The following HOXD3 variants were observed in gnomAD, a reference collection of about 807,000 sequenced individuals.
The protein encoded by HOXD3 is homeobox D3, also known as homeobox protein Hox-D3.
HOXD3 carries 13 observed loss-of-function variants against 32.8 expected under a neutral mutation model. That is an observed-to-expected ratio of 0.40 (90% confidence interval 0.26 to 0.63). The LOEUF (loss-of-function observed/expected upper bound fraction) is 0.63, where lower values mean the gene tolerates loss of function less well. Ranked by LOEUF, HOXD3 falls within the 20% of genes least tolerant of loss-of-function variation. HOXD3 has a pLI of 0.44. For missense variants in HOXD3, 504 were observed against 577.1 expected (o/e 0.87, Z 1.30); for synonymous variants, 241 against 246.8 (o/e 0.98, Z 0.22).
intron 3 of HOXD3, 101 bp from the exon 4 acceptor site, chr2:176,171,416 G>C: frequency 2.8e-6 from 3 of 1,086,924 alleles, no homozygotes; most frequent in Non-Finnish European, 3.9e-6. Flanking sequence ...TTGGAGGTGG[G>C]GGGAGGGAGG....
upstream of HOXD3, among the ~76,000 whole-genome samples, chr2:176,154,318 G>T (rs1690602427): frequency 6.6e-6 from 1 of 152,044 alleles, no homozygotes; most frequent in South Asian, 2.1e-4. Flanking sequence ...CTCCTGGGAA[G>T]GGTTCAAAGT....
chr2:176,167,150 C>A (rs1388783442), intron 2 of HOXD3, among the ~76,000 whole-genome samples: 2 of 152,110 alleles, frequency 1.3e-5, no homozygotes, highest in African/African-American at 2.4e-5. Flanking sequence ...GAAGGGAAAC[C>A]CCCATAAAGA....
chr2:176,152,843 G>T (rs1238996035), upstream of HOXD3: 1 of 1,614,170 alleles, frequency 6.2e-7, no homozygotes, highest in Non-Finnish European at 8.5e-7. The surrounding 1 kb of genome is among the most constrained non-coding windows in gnomAD (Gnocchi z 5.2). Context: ...GCAGGTCATC[G>T]TCCTCATCTT....
At chr2:176,156,571 CCGGGCCTCCACT>C (rs1005745338), upstream of HOXD3, among the ~76,000 whole-genome samples, 4 of 152,118 alleles carry the variant, frequency 2.6e-5, no homozygotes, top group African/African-American at 9.7e-5. Context: ...GACCTGACCC[CCGGGCCTCCACT>C]CTTGGGCTTC....
At chr2:176,153,123 G>C, upstream of HOXD3, 1 of 355,884 alleles carries the variant, frequency 2.8e-6, no homozygotes, top group Non-Finnish European at 5.5e-6. Context: ...CCTAGAGCGG[G>C]ATGGGGATGG....
At chr2:176,170,128 C>G (rs1386413080) in intron 3 of HOXD3, among the ~76,000 whole-genome samples, 1 of 152,100 alleles carries the variant, frequency 6.6e-6, no homozygotes. Flanking sequence ...TTTCAAAGAA[C>G]CTTTTGAGGT....
chr2:176,159,967 G>C (rs987088123), intron 1 of HOXD3, among the ~76,000 whole-genome samples: 3 of 152,234 alleles, frequency 2.0e-5, no homozygotes, highest in Non-Finnish European at 4.4e-5. Context: ...AGAGAGGGGA[G>C]GTCGCTCTGG....
At chr2:176,164,506 A>C (rs917533046) in intron 2 of HOXD3, 5 of 152,242 alleles carry the variant, frequency 3.3e-5, no homozygotes, top group Non-Finnish European at 5.9e-5. Flanking sequence ...AACGTAAAGA[A>C]GTCTCCTTTC....
chr2:176,153,843 C>A (rs534697380), upstream of HOXD3, among the ~76,000 whole-genome samples: 15 of 152,262 alleles, frequency 9.9e-5, no homozygotes, highest in South Asian at 2.7e-3. Flanking sequence ...GGGAAAAAAA[C>A]CAACAAATGG....
At chr2:176,152,548 C>T (rs1388723534), upstream of HOXD3, 4 of 1,406,618 alleles carry the variant, frequency 2.8e-6, no homozygotes, top group East Asian at 2.3e-5. The surrounding 1 kb of genome is among the most constrained non-coding windows in gnomAD (Gnocchi z 5.2). Flanking sequence ...GCGGCGGAGG[C>T]GAGGGGCCTA....
At chr2:176,156,228 G>A (rs539170634), upstream of HOXD3, among the ~76,000 whole-genome samples, 4 of 152,296 alleles carry the variant, frequency 2.6e-5, 1 homozygote, top group African/African-American at 7.2e-5. Flanking sequence ...ACCATGTAAG[G>A]CTTAGCAATT....
upstream of HOXD3, among the ~76,000 whole-genome samples, chr2:176,156,151 C>T (rs1162768941): frequency 6.6e-6 from 1 of 152,150 alleles, no homozygotes; most frequent in Non-Finnish European, 1.5e-5. Context: ...TTAACATAAA[C>T]AAGTTATTAT....
chr2:176,154,549 C>T (rs892624574), upstream of HOXD3, among the ~76,000 whole-genome samples: 4 of 152,126 alleles, frequency 2.6e-5, no homozygotes, highest in African/African-American at 9.7e-5. Flanking sequence ...ACTTCAAAAA[C>T]ACTTTAGAAG....
intron 2 of HOXD3, chr2:176,165,386 T>G (rs1213504145): frequency 1.3e-5 from 2 of 152,270 alleles, no homozygotes; most frequent in East Asian, 1.9e-4. Context: ...AGTATCAGGG[T>G]TCGGCTGCTT....
At chr2:176,162,027 G>C (rs1415466422) in intron 1 of HOXD3, among the ~76,000 whole-genome samples, 1 of 152,206 alleles carries the variant, frequency 6.6e-6, no homozygotes, top group Non-Finnish European at 1.5e-5. Flanking sequence ...GACCCAACCG[G>C]ACCTTTATGG....
intron 2 of HOXD3, chr2:176,165,309 GA>G (rs1690930131): frequency 6.6e-6 from 1 of 152,262 alleles, no homozygotes; most frequent in Admixed American, 6.5e-5. Flanking sequence ...TGGTCGCTGT[GA>G]GCGCCTTTTA....
chr2:176,166,860 T>C (rs568018082), intron 2 of HOXD3, among the ~76,000 whole-genome samples: 39 of 152,296 alleles, frequency 2.6e-4, no homozygotes, highest in Admixed American at 2.1e-3. Flanking sequence ...GGTTAGGCTG[T>C]TTGGTGCAGG....
rs1691231519 is a variant in HOXD3 at position 176,172,493 on chromosome 2, C to A, written c.*219C>A. 1.8e-6 allele frequency: 1 copy of A among 570,642 alleles called. No individual in the cohort carries two copies. The highest frequency in any genetic ancestry group is 3.1e-6 in the Non-Finnish European group (1 of 324,230). The allele number at this position is 570,642 out of a possible 1,614,324, so 35.3% of individuals were successfully genotyped here. On this transcript the variant is annotated 3_prime_UTR_variant, in exon 4 of 4. Coordinates refer to ENST00000683222, the MANE Select transcript of HOXD3 (RefSeq NM_006898.5). ...CTCGCCATAAATCAGCCGCAAGGAT[C>A]CTTCCCTGTAAATTTGACAGTGCCA... is the stretch of plus-strand genomic sequence containing the variant.
Position 176,171,690 on chromosome 2 carries a change from A to G in HOXD3, c.715A>G (p.Lys239Glu). 6.2e-7 allele frequency: 1 copy of G among 1,614,120 alleles called. No individual in the cohort carries two copies. The highest frequency in any genetic ancestry group is 8.5e-7 in the Non-Finnish European group (1 of 1,180,010). The change falls in exon 4 of 4, where the codon AAG becomes GAG. Residue 239 changes from lysine to glutamate, a missense_variant. Lys to Glu is a moderately conservative substitution (Grantham distance 56). Transcript: ENST00000683222. ...GCTGAATCTCACGGAACGCCAGATC[A>G]AGATCTGGTTCCAGAACCGGCGCAT... is the stretch of plus-strand genomic sequence containing the variant. ...NLLNLTERQI[K>E]IWFQNRRMKY...
Sources: gnomAD v4.1 joint callset for allele counts (sites outside exome capture counted in the v4.1 genomes callset) on GRCh38, gnomAD v4.1.1 for gene constraint, Gnocchi (gnomAD v3.1) non-coding constraint, MANE v1.5 for transcripts, NCBI Gene and HGNC (gene_info 2026-07-23, HGNC 2026-07-21) for gene names.